STIM1: variants seen among roughly 807,000 people sequenced by gnomAD.
The protein encoded by STIM1 is stromal interaction molecule 1.
A neutral mutation model predicts 74.7 loss-of-function variants in STIM1; 25 were observed. That is an observed-to-expected ratio of 0.33 (90% confidence interval 0.24 to 0.47). STIM1 has a LOEUF of 0.47. Ranked by LOEUF, STIM1 falls within the 20% of genes least tolerant of loss-of-function variation. STIM1 has a pLI of 1.00. For synonymous variants in STIM1, 328 were observed against 348.8 expected, an observed-to-expected ratio of 0.94 and a Z score of 0.66; for missense variants, 728 against 920.8, an observed-to-expected ratio of 0.79 and a Z score of 2.71.
At chr11:4,048,031 G>T (rs1442385358) in intron 3 of STIM1, among the ~76,000 whole-genome samples, 1 of 152,078 alleles carries the variant, frequency 6.6e-6, no homozygotes, top group African/African-American at 2.4e-5. Flanking sequence ...ATGTTGGCCA[G>T]GATGATCTCG....
intron 1 of STIM1, among the ~76,000 whole-genome samples, chr11:3,950,434 G>T (rs2093132840): frequency 6.6e-6 from 1 of 152,038 alleles, no homozygotes; most frequent in East Asian, 1.9e-4. Context: ...GCCTGGCTGG[G>T]CATTCCTTTT....
chr11:4,036,162 C>A (rs2094100523), intron 3 of STIM1, among the ~76,000 whole-genome samples: 1 of 152,168 alleles, frequency 6.6e-6, no homozygotes, highest in African/African-American at 2.4e-5. Context: ...CAACTCTATT[C>A]ATGTCCCTGC....
At chr11:4,079,918 G>T (rs1284373928) in intron 7 of STIM1, among the ~76,000 whole-genome samples, 2 of 152,114 alleles carry the variant, frequency 1.3e-5, no homozygotes, top group African/African-American at 4.8e-5. Context: ...CCAGGTATCT[G>T]TGTTTTTTTA....
intron 2 of STIM1, among the ~76,000 whole-genome samples, chr11:4,019,270 A>T (rs1250840796): frequency 6.6e-6 from 1 of 151,018 alleles, no homozygotes; most frequent in African/African-American, 2.4e-5. Flanking sequence ...GAATACCACT[A>T]CTCTTGGCAT....
intron 2 of STIM1, 24 bp from the exon 3 acceptor site, chr11:4,023,849 G>T: frequency 6.3e-7 from 1 of 1,597,030 alleles, no homozygotes; most frequent in South Asian, 1.1e-5. Flanking sequence ...TATCTCTTGT[G>T]ACTTGTGTAC....
At chr11:3,926,327 G>A (rs1212626514) in intron 1 of STIM1, among the ~76,000 whole-genome samples, 1 of 152,150 alleles carries the variant, frequency 6.6e-6, no homozygotes, top group South Asian at 2.1e-4. Flanking sequence ...CGAAATACAT[G>A]ACATACAGAC....
chr11:3,956,193 T>G (rs1364511431), intron 1 of STIM1, among the ~76,000 whole-genome samples: 1 of 152,186 alleles, frequency 6.6e-6, no homozygotes, highest in Non-Finnish European at 1.5e-5. Context: ...ATTCAGCTAG[T>G]ATGCACTAGC....
chr11:3,869,723 G>A (rs1440042917), intron 1 of STIM1, among the ~76,000 whole-genome samples: 2 of 152,200 alleles, frequency 1.3e-5, no homozygotes, highest in African/African-American at 4.8e-5. Flanking sequence ...TTGACAAGGG[G>A]AGAGACCTGA....
At chr11:3,880,411 C>T (rs948566177) in intron 1 of STIM1, among the ~76,000 whole-genome samples, 8 of 152,114 alleles carry the variant, frequency 5.3e-5, no homozygotes, top group African/African-American at 7.2e-5. Context: ...CAAAGTCTCC[C>T]GTCTCCCAAG....
At chr11:4,034,261 A>ATT (rs1431029718) in intron 3 of STIM1, among the ~76,000 whole-genome samples, 3 of 135,628 alleles carry the variant, frequency 2.2e-5, no homozygotes, top group Non-Finnish European at 5.1e-5. Flanking sequence ...AAATAACAAA[A>ATT]TTATATATAT....
intron 2 of STIM1, among the ~76,000 whole-genome samples, chr11:3,996,044 C>T (rs1330606292): frequency 6.6e-6 from 1 of 152,168 alleles, no homozygotes; most frequent in African/African-American, 2.4e-5. Context: ...CTTTTCCTTT[C>T]ACCACAACTT....
At chr11:3,984,888 G>T (rs2093543376) in intron 2 of STIM1, among the ~76,000 whole-genome samples, 1 of 152,164 alleles carries the variant, frequency 6.6e-6, no homozygotes, top group Non-Finnish European at 1.5e-5. Context: ...ACATTTTAAG[G>T]GCTGTAATGG....
At chr11:3,940,599 C>T (rs946426900) in intron 1 of STIM1, among the ~76,000 whole-genome samples, 4 of 152,096 alleles carry the variant, frequency 2.6e-5, no homozygotes, top group African/African-American at 7.2e-5. Flanking sequence ...TGGTAGGCAT[C>T]GAACTATTGG....
rs201952182 is a variant in STIM1, at chr11:3,953,780, C to CTTTTTTTTTT, written c.140-13769_140-13768insTTTTTTTTTT. Among the ~76,000 whole-genome samples the CTTTTTTTTTT allele has an allele frequency of 5.3e-5, 7 of 131,090 alleles. 1 individual carries two copies. Among genetic ancestry groups the CTTTTTTTTTT allele is most frequent in the Non-Finnish European group, 8.1e-5 (5 of 61,882 alleles). 86.0% of individuals were successfully genotyped at this position (131,090 alleles called of 152,430 possible). A position where few individuals can be genotyped will look rare whatever the true frequency, so the allele number is the denominator to read the frequency against. Reference sequence around the variant, plus strand: ...TCGGTATTGACTTCTTGATCTTCTTCTTTCTTTTTTTTTTTTTTTTGAGAC... The same window carrying CTTTTTTTTTT: ...TCGGTATTGACTTCTTGATCTTCTTCTTTTTTTTTTTTTCTTTTTTTTTTTTTTTTGAGAC... On this transcript the variant is annotated intron_variant, in intron 1 of 12. Coordinates refer to ENST00000526596, the MANE Select transcript of STIM1 (RefSeq NM_001382567.1).
chr11:4,022,209 C>T (rs1298797354), intron 2 of STIM1, among the ~76,000 whole-genome samples: 1 of 151,604 alleles, frequency 6.6e-6, no homozygotes, highest in African/African-American at 2.4e-5. Flanking sequence ...GGCGTGCACA[C>T]CTATAGTCCC....
intron 2 of STIM1, among the ~76,000 whole-genome samples, chr11:4,010,932 T>G (rs1011247273): frequency 6.6e-6 from 1 of 152,122 alleles, no homozygotes; most frequent in Non-Finnish European, 1.5e-5. Flanking sequence ...TATGTTCTCA[T>G]TGTTCAACTC....
At chr11:4,057,792 C>G (rs906885346) in intron 4 of STIM1, among the ~76,000 whole-genome samples, 1 of 151,800 alleles carries the variant, frequency 6.6e-6, no homozygotes, top group African/African-American at 2.4e-5. Flanking sequence ...ATGGCGTGAA[C>G]CCGGGAGGTG....
chr11:3,866,022 G>A (rs546134712), intron 1 of STIM1, among the ~76,000 whole-genome samples: 1 of 152,208 alleles, frequency 6.6e-6, no homozygotes, highest in Non-Finnish European at 1.5e-5. Context: ...CTGCTGGGGA[G>A]CATGGAATAG....
intron 1 of STIM1, among the ~76,000 whole-genome samples, chr11:3,896,749 A>G (rs758336923): frequency 3.9e-5 from 6 of 152,174 alleles, no homozygotes; most frequent in Non-Finnish European, 8.8e-5. Context: ...TAGCTTCTCT[A>G]GCGATAAAGA....
Sources: gnomAD v4.1 joint callset for allele counts (sites outside exome capture counted in the v4.1 genomes callset) on GRCh38, gnomAD v4.1.1 for gene constraint, MANE v1.5 for transcripts, NCBI Gene and HGNC (gene_info 2026-07-23, HGNC 2026-07-21) for gene names.